The following CSMD2 variants were observed in gnomAD, a reference collection of about 807,000 sequenced individuals.
The protein encoded by CSMD2 is CUB and Sushi multiple domains 2, also known as CUB and sushi domain-containing protein 2.
In CSMD2, 130 loss-of-function variants were observed where a neutral mutation model predicts 398.5. The observed-to-expected ratio is 0.33, with a 90% CI of 0.28 to 0.38. CSMD2 has a LOEUF of 0.38. Among genes scored for constraint, CSMD2 ranks in the 10% least tolerant of loss-of-function variants. The probability of loss-of-function intolerance (pLI) is 1.00; values close to 1 mark genes in which losing one functional copy is unlikely to be tolerated. For missense variants in CSMD2, 3,829 were observed against 4,764.9 expected, an observed-to-expected ratio of 0.80 and a Z score of 5.78; for synonymous variants, 1,828 against 1,908.5, an observed-to-expected ratio of 0.96 and a Z score of 1.10.
At chr1:34,147,201 T>C (rs1639854622) in intron 1 of CSMD2, among the ~76,000 whole-genome samples, 1 of 151,946 alleles carries the variant, frequency 6.6e-6, no homozygotes, top group African/African-American at 2.4e-5. Context: ...GAGCTTGCAG[T>C]GAGCCGAGAT....
chr1:33,924,973 C>A (rs558818925), intron 4 of CSMD2, among the ~76,000 whole-genome samples: 1 of 152,238 alleles, frequency 6.6e-6, no homozygotes, highest in South Asian at 2.1e-4. Context: ...GAATAGCTTG[C>A]AAATATTTTC....
At chr1:33,985,627 T>C (rs926416838) in intron 3 of CSMD2, among the ~76,000 whole-genome samples, 2 of 152,214 alleles carry the variant, frequency 1.3e-5, no homozygotes, top group Non-Finnish European at 2.9e-5. Context: ...TTAACCTCTC[T>C]TGGCTTTGGA....
intron 22 of CSMD2, among the ~76,000 whole-genome samples, chr1:33,702,294 G>C (rs1398395088): frequency 2.0e-5 from 3 of 152,070 alleles, no homozygotes; most frequent in Non-Finnish European, 4.4e-5. Context: ...ACATCTATGA[G>C]ATAATTGGAA....
chr1:33,645,349 A>G (rs960861963), intron 29 of CSMD2, among the ~76,000 whole-genome samples: 3 of 26,502 alleles, frequency 1.1e-4, no homozygotes, highest in African/African-American at 2.0e-4. Context: ...CATTATACAC[A>G]CACACACACA....
intron 1 of CSMD2, among the ~76,000 whole-genome samples, chr1:34,089,767 A>G (rs747904953): frequency 2.6e-5 from 4 of 152,038 alleles, no homozygotes; most frequent in Non-Finnish European, 5.9e-5. Context: ...CTTCAAGAAC[A>G]GTATACGTTC....
intron 2 of CSMD2, among the ~76,000 whole-genome samples, chr1:34,070,592 G>C (rs1353295093): frequency 6.6e-6 from 1 of 152,218 alleles, no homozygotes; most frequent in Non-Finnish European, 1.5e-5. Context: ...CAATCAAACG[G>C]AATTGAGAGG....
At chr1:34,133,541 G>T (rs187439173) in intron 1 of CSMD2, among the ~76,000 whole-genome samples, 13 of 152,132 alleles carry the variant, frequency 8.5e-5, no homozygotes, top group Middle Eastern at 3.4e-3. Context: ...TGAGGCAGGA[G>T]AATCATTTGA....
chr1:34,165,089 G>A lies in CSMD2; in HGVS notation c.9C>T (p.Arg3=). The A allele has an allele frequency of 8.2e-7, 1 of 1,214,234 alleles. No individual in the cohort carries two copies. Among genetic ancestry groups the A allele is most frequent in the Non-Finnish European group, 1.0e-6 (1 of 976,528 alleles). 75.2% of individuals were successfully genotyped at this position (1,214,234 alleles called of 1,614,324 possible). A position where few individuals can be genotyped will look rare whatever the true frequency, so the allele number is the denominator to read the frequency against. Residue 3 remains arginine, a synonymous_variant, in exon 1 of 71, where the codon CGC becomes CGT. Coordinates refer to ENST00000373381, the MANE Select transcript of CSMD2 (RefSeq NM_001281956.2). MP[R]SRGRELGRCG... is the part of the protein sequence containing the mutation. ...AGCGCCCCAGCTCCCGTCCCCGCGA[G>A]CGCGGCATGGCGCGGCCGGCAGCGC...
chr1:33,624,660 T>C lies in CSMD2; in HGVS notation c.5501-17A>G, dbSNP rs1641987303. On this transcript the variant is annotated splice_polypyrimidine_tract_variant and intron_variant, in intron 34 of 70. Coordinates refer to ENST00000373381, the MANE Select transcript of CSMD2 (RefSeq NM_001281956.2). The surrounding 1 kb of genome is among the most constrained non-coding windows in gnomAD (Gnocchi z 4.7). ...CACACGGCACTGGGAGGAGAGGCCA[T>C]CGGGTCAGAGGCTTTGTGGCCTCCC... 4 of 1,608,366 alleles carry C rather than the reference T, an allele frequency of 2.5e-6. No homozygotes were observed. The East Asian group carries it at 6.7e-5, about 27-fold the overall frequency.
chr1:34,121,784 G>C (rs543082596), intron 1 of CSMD2, among the ~76,000 whole-genome samples: 3 of 152,056 alleles, frequency 2.0e-5, no homozygotes, highest in Non-Finnish European at 2.9e-5. Context: ...CTCTTCCAAG[G>C]TCGCTAACTC....
chr1:34,163,259 T>G lies in CSMD2; in HGVS notation c.187+1652A>C, dbSNP rs1223722910. The stretch of plus-strand genomic sequence containing the variant: ...TCCCCCACCGCCCATGTGGCAAGTC[T>G]GGGTGACCAGCAGCGTCGGTATGCA... On this transcript the variant is annotated intron_variant, in intron 1 of 70. Transcript: ENST00000373381. The surrounding 1 kb of genome is among the most constrained non-coding windows in gnomAD (Gnocchi z 5.4). 2.0e-5 allele frequency among the ~76,000 whole-genome samples: 3 copies of G among 152,212 alleles called. No homozygotes were observed. Among genetic ancestry groups the G allele is most frequent in the Non-Finnish European group, 4.4e-5 (3 of 68,030 alleles).
chr1:33,744,262 G>A (rs1357407605), intron 13 of CSMD2, among the ~76,000 whole-genome samples: 1 of 152,188 alleles, frequency 6.6e-6, no homozygotes, highest in South Asian at 2.1e-4. Context: ...GTAACCGGGT[G>A]GAGACAGCCC....
intron 57 of CSMD2, among the ~76,000 whole-genome samples, chr1:33,545,419 T>C (rs970126389): frequency 6.6e-6 from 1 of 152,218 alleles, no homozygotes; most frequent in Non-Finnish European, 1.5e-5. Context: ...TTTGGCACAT[T>C]GAATATTTGT....
At chr1:33,661,589 G>C (rs1192617442) in intron 26 of CSMD2, among the ~76,000 whole-genome samples, 1 of 152,098 alleles carries the variant, frequency 6.6e-6, no homozygotes, top group Non-Finnish European at 1.5e-5. Context: ...CTTTTTTCTT[G>C]CAATATCAAT....
chr1:33,767,011 T>G (rs1650595194), intron 13 of CSMD2, among the ~76,000 whole-genome samples: 3 of 152,240 alleles, frequency 2.0e-5, no homozygotes, highest in Non-Finnish European at 4.4e-5. Flanking sequence ...TAGAAATTTA[T>G]TCTAAGGAAA....
At chr1:33,558,157 G>A in intron 54 of CSMD2, among the ~76,000 whole-genome samples, 1 of 152,072 alleles carries the variant, frequency 6.6e-6, no homozygotes, top group Non-Finnish European at 1.5e-5. Flanking sequence ...TCTCTTTCTG[G>A]TACTCCCTTG....
intron 14 of CSMD2, among the ~76,000 whole-genome samples, chr1:33,739,807 C>T (rs938120998): frequency 2.0e-5 from 3 of 152,124 alleles, no homozygotes; most frequent in Non-Finnish European, 4.4e-5. Flanking sequence ...CGCTAATAGA[C>T]TCTAAGCATC....
At position 33,614,581 on chromosome 1, in the gene CSMD2, A is replaced by G; in HGVS notation, c.6056T>C (p.Ile2019Thr). The stretch of plus-strand genomic sequence containing the variant: ...GTTGCCTGGGAAGCCGGGGCTCAGG[A>G]TCACCCCCTCCATCTCCTCCACTGT... ...GGTVEEMEGV[I>T]LSPGFPGNYP... is the part of the protein sequence containing the mutation. The change falls in exon 40 of 71, where the codon ATC becomes ACC. Residue 2019 changes from isoleucine to threonine, a missense_variant. Transcript: ENST00000373381. 1 of 1,612,872 alleles carries G rather than the reference A, an allele frequency of 6.2e-7. No individual in the cohort carries two copies. Among genetic ancestry groups the G allele is most frequent in the Non-Finnish European group, 8.5e-7 (1 of 1,179,080 alleles).
rs958454036 is a variant in CSMD2 at position 34,098,450 on chromosome 1, GA to G, written c.188-9258del. 1.5e-3 allele frequency among the ~76,000 whole-genome samples: 226 copies of G among 147,888 alleles called. 2 individuals are homozygous for G. Among genetic ancestry groups the G allele is most frequent in the African/African-American group, 4.1e-3 (166 of 40,354 alleles). ...AAATAAATAAATAAATAAATAAAAA[GA>G]AAAAAAAAGAAAAATAGATTGTCAC... On this transcript the variant is annotated intron_variant, in intron 1 of 70. Transcript: ENST00000373381.
Sources: allele counts gnomAD v4.1 joint callset (sites outside exome capture counted in the v4.1 genomes callset), GRCh38; gene constraint gnomAD v4.1.1; non-coding constraint Gnocchi (gnomAD v3.1); transcripts MANE v1.5; gene names NCBI Gene and HGNC (gene_info 2026-07-23, HGNC 2026-07-21).